The following PKIB variants were observed in gnomAD, a reference collection of about 807,000 sequenced individuals.
PKIB encodes the protein PKI-beta.
PKIB carries 2 observed loss-of-function variants against 4.5 expected under a neutral mutation model. The observed-to-expected ratio is 0.44, with a 90% CI of 0.18 to 1.39. The LOEUF (loss-of-function observed/expected upper bound fraction) is 1.39. Ranked by LOEUF, PKIB falls within the 40% of genes most tolerant of loss-of-function variation. The probability of loss-of-function intolerance (pLI) is 0.27; values close to 1 mark genes in which losing one functional copy is unlikely to be tolerated. For missense variants in PKIB, 94 were observed against 92.6 expected (o/e 1.02, Z -0.06); for synonymous variants, 38 against 36.0 (o/e 1.06, Z -0.20).
At chr6:122,591,123 C>G (rs767757326) in intron 3 of PKIB, among the ~76,000 whole-genome samples, 49 of 151,626 alleles carry the variant, frequency 3.2e-4, no homozygotes, top group Non-Finnish European at 6.0e-4. Flanking sequence ...TAGGAAATTC[C>G]ACAGGCTCCA....
At chr6:122,619,279 C>T (rs1775123087) in intron 1 of PKIB, among the ~76,000 whole-genome samples, 1 of 152,106 alleles carries the variant, frequency 6.6e-6, no homozygotes, top group Admixed American at 6.5e-5. Context: ...TGGCCTTTCC[C>T]ACTTGTAAAA....
At chr6:122,496,032 C>G in intron 2 of PKIB, among the ~76,000 whole-genome samples, 1 of 152,040 alleles carries the variant, frequency 6.6e-6, no homozygotes, top group East Asian at 1.9e-4. Context: ...CAGCTGTGTC[C>G]CCCAACCCCC....
intron 3 of PKIB, among the ~76,000 whole-genome samples, chr6:122,705,302 G>C (rs187051255): frequency 4.5e-4 from 69 of 152,178 alleles, no homozygotes; most frequent in African/African-American, 1.6e-3. Context: ...TATTTCTAGA[G>C]TGTCTATTTT....
intron 3 of PKIB, 179 bp from the exon 4 acceptor site, chr6:122,717,608 T>G (rs1268170836): frequency 1.6e-6 from 1 of 623,684 alleles, no homozygotes; most frequent in African/African-American, 1.8e-5. Context: ...CCTGCTCTAT[T>G]CAGCAAATGT....
intron 2 of PKIB, among the ~76,000 whole-genome samples, chr6:122,650,691 A>G (rs905744742): frequency 2.1e-4 from 32 of 152,170 alleles, no homozygotes; most frequent in Non-Finnish European, 1.5e-5. Context: ...ACCTGTAAGA[A>G]GGATGACCAC....
chr6:122,500,359 T>G (rs1173214483), intron 2 of PKIB, among the ~76,000 whole-genome samples: 2 of 149,850 alleles, frequency 1.3e-5, no homozygotes, highest in African/African-American at 4.9e-5. Flanking sequence ...AAAATAGAAT[T>G]GTAACACTGA....
chr6:122,541,816 A>G (rs1427321361), intron 2 of PKIB, among the ~76,000 whole-genome samples: 2 of 151,716 alleles, frequency 1.3e-5, no homozygotes, highest in Admixed American at 6.6e-5. Flanking sequence ...ATTTTCAGGT[A>G]CACCAATCAG....
intron 2 of PKIB, among the ~76,000 whole-genome samples, chr6:122,666,605 T>C (rs1435108054): frequency 6.6e-6 from 1 of 152,228 alleles, no homozygotes; most frequent in African/African-American, 2.4e-5. Context: ...TTCTGTGTGC[T>C]TTTTGAAACA....
intron 2 of PKIB, among the ~76,000 whole-genome samples, chr6:122,633,769 CTT>C (rs985382296): frequency 6.6e-6 from 1 of 152,116 alleles, no homozygotes; most frequent in African/African-American, 2.4e-5. Flanking sequence ...AAACTGACTG[CTT>C]TTCTTATTAC....
At chr6:122,524,518 C>G (rs930430778) in intron 2 of PKIB, among the ~76,000 whole-genome samples, 2 of 152,080 alleles carry the variant, frequency 1.3e-5, no homozygotes, top group African/African-American at 2.4e-5. Flanking sequence ...GAAGTTCCCT[C>G]CTCTTCAATT....
chr6:122,634,815 G>A (rs181262870), intron 2 of PKIB, among the ~76,000 whole-genome samples: 31 of 151,986 alleles, frequency 2.0e-4, no homozygotes, highest in East Asian at 1.9e-3. Flanking sequence ...GATGGCGGGC[G>A]CCTGTATTCC....
intron 3 of PKIB, among the ~76,000 whole-genome samples, chr6:122,594,992 A>T (rs1481313076): frequency 6.6e-6 from 1 of 152,162 alleles, no homozygotes; most frequent in Non-Finnish European, 1.5e-5. Flanking sequence ...TGGCAATCTT[A>T]ACTTCCAGTT....
At chr6:122,717,553 C>G (rs545926589) in intron 3 of PKIB, 266 of 467,852 alleles carry the variant, frequency 5.7e-4, no homozygotes, top group Admixed American at 2.7e-3. Flanking sequence ...GTGGCTCATT[C>G]GGCTCAGGGG....
chr6:122,502,330 A>G (rs911623734), intron 2 of PKIB, among the ~76,000 whole-genome samples: 1 of 152,006 alleles, frequency 6.6e-6, no homozygotes, highest in African/African-American at 2.4e-5. Context: ...AATTTTCTGT[A>G]GTAGTCTATT....
At chr6:122,564,825 G>C (rs1369783209) in intron 2 of PKIB, among the ~76,000 whole-genome samples, 1 of 152,164 alleles carries the variant, frequency 6.6e-6, no homozygotes, top group Non-Finnish European at 1.5e-5. Flanking sequence ...TTTTGGTGGT[G>C]TAGGAAACGC....
In PKIB at chr6:122,543,298, C is replaced by T. The variant is rs542890317; in HGVS notation, c.-247-42623C>T. Among the ~76,000 whole-genome samples, 12 of 151,964 alleles carry T rather than the reference C, an allele frequency of 7.9e-5. No homozygotes were observed. In the South Asian group the frequency reaches 1.7e-3, roughly 21 times the overall value. ...AATCACCCATCTTCTGCATCGCTCA[C>T]GCTGGGAACTGTAGACAGGAGCTGT... On this transcript the variant is annotated intron_variant, in intron 2 of 6. Transcript: ENST00000392491.
At chr6:122,477,660 C>T (rs1385836554) in intron 1 of PKIB, among the ~76,000 whole-genome samples, 4 of 152,114 alleles carry the variant, frequency 2.6e-5, no homozygotes, top group African/African-American at 7.2e-5. Flanking sequence ...AGAATGATAT[C>T]CAGAGGCCCT....
chr6:122,557,857 G>A (rs949177725), intron 2 of PKIB, among the ~76,000 whole-genome samples: 1 of 152,106 alleles, frequency 6.6e-6, no homozygotes, highest in Non-Finnish European at 1.5e-5. Context: ...TGGATTTGCA[G>A]TTACCTAGCT....
At chr6:122,576,691 T>A (rs4570002) in intron 2 of PKIB, among the ~76,000 whole-genome samples, 244 of 18,276 alleles carry the variant, frequency 0.013, no homozygotes, top group African/African-American at 0.028. Context: ...AAAAAAAAAA[T>A]ATATATATAT....
Sources: allele counts gnomAD v4.1 joint callset (sites outside exome capture counted in the v4.1 genomes callset), GRCh38; gene constraint gnomAD v4.1.1; transcripts MANE v1.5; gene names NCBI Gene and HGNC (gene_info 2026-07-23, HGNC 2026-07-21).